Variants in ETV6 observed in about 807,000 individuals in gnomAD.
ETV6 encodes ETS variant transcription factor 6, also known as transcription factor ETV6.
ETV6 carries 16 observed loss-of-function variants against 51.1 expected under a neutral mutation model. The observed-to-expected ratio is 0.31, with a 90% CI of 0.21 to 0.48. ETV6 has a LOEUF of 0.48. Among genes scored for constraint, ETV6 ranks in the 20% least tolerant of loss-of-function variants. ETV6 has a pLI of 0.99. For missense variants in ETV6, 458 were observed against 594.8 expected (o/e 0.77, Z 2.39); for synonymous variants, 240 against 224.1 (o/e 1.07, Z -0.64).
intron 2 of ETV6, among the ~76,000 whole-genome samples, chr12:11,806,641 A>G (rs1945832958): frequency 6.6e-6 from 1 of 152,248 alleles, no homozygotes; most frequent in South Asian, 2.1e-4. Context: ...ATAATATACA[A>G]TAAAATATTA....
At chr12:11,785,264 G>A (rs1945469732) in intron 2 of ETV6, among the ~76,000 whole-genome samples, 1 of 152,060 alleles carries the variant, frequency 6.6e-6, no homozygotes, top group African/African-American at 2.4e-5. Context: ...TCGCTGGGAT[G>A]CTCTTCTACC....
intron 5 of ETV6, among the ~76,000 whole-genome samples, chr12:11,879,437 G>A (rs1947052272): frequency 1.3e-5 from 2 of 152,214 alleles, no homozygotes; most frequent in Admixed American, 1.3e-4. Context: ...TGTGTGAATT[G>A]CCCATCTTTT....
chr12:11,875,152 C>A (rs1421634730), intron 5 of ETV6, among the ~76,000 whole-genome samples: 1 of 152,000 alleles, frequency 6.6e-6, no homozygotes, highest in African/African-American at 2.4e-5. Context: ...AGTTTAAATA[C>A]AAATCACAAA....
intron 1 of ETV6, among the ~76,000 whole-genome samples, chr12:11,690,210 T>C (rs1038767716): frequency 2.0e-5 from 3 of 151,268 alleles, no homozygotes; most frequent in Non-Finnish European, 2.9e-5. Context: ...ATAATTTAGA[T>C]AGAGGATGGC....
At chr12:11,834,785 T>G (rs899745844) in intron 2 of ETV6, among the ~76,000 whole-genome samples, 10 of 152,130 alleles carry the variant, frequency 6.6e-5, no homozygotes, top group African/African-American at 2.4e-4. Flanking sequence ...GGCTGTAAGG[T>G]ATTCTTTGGT....
intron 2 of ETV6, among the ~76,000 whole-genome samples, chr12:11,787,679 T>C (rs1221184352): frequency 6.6e-6 from 1 of 152,160 alleles, no homozygotes; most frequent in Non-Finnish European, 1.5e-5. Context: ...GTAGCCAAGT[T>C]AGGAGTAGGC....
chr12:11,659,248 T>A (rs1485210543), intron 1 of ETV6, among the ~76,000 whole-genome samples: 1 of 140,600 alleles, frequency 7.1e-6, no homozygotes, highest in African/African-American at 3.3e-5. Context: ...AGCAGTTGTA[T>A]TCTTCTTGCT....
In ETV6 at chr12:11,757,422, G is replaced by T. The variant is rs1164871839; in HGVS notation, c.163+4843G>T. Among the ~76,000 whole-genome samples, 4 of 69,868 alleles carry T rather than the reference G, an allele frequency of 5.7e-5. No homozygotes were observed. The South Asian group carries it at 1.8e-3, about 32-fold the overall frequency. 45.8% of individuals were successfully genotyped at this position (69,868 alleles called of 152,430 possible). A position where few individuals can be genotyped will look rare whatever the true frequency, so the allele number is the denominator to read the frequency against. ...TTTTATATGCTTTCACATTATGTTTGTTCCCAAAAAAAAAGAGGCAAAATT... is the reference window on the plus strand; with the variant it reads ...TTTTATATGCTTTCACATTATGTTTTTTCCCAAAAAAAAAGAGGCAAAATT... On this transcript the variant is annotated intron_variant, in intron 2 of 7. Transcript: ENST00000396373.
intron 1 of ETV6, among the ~76,000 whole-genome samples, chr12:11,714,649 GAAAA>G (rs10709538): frequency 1.0e-3 from 90 of 87,052 alleles, no homozygotes; most frequent in African/African-American, 4.2e-3. Flanking sequence ...ACCTTGAGGT[GAAAA>G]AAAAAAAAAA....
intron 1 of ETV6, among the ~76,000 whole-genome samples, chr12:11,673,297 G>A (rs985266156): frequency 1.3e-5 from 2 of 152,328 alleles, no homozygotes; most frequent in Non-Finnish European, 2.9e-5. Context: ...TGCTGGGAAA[G>A]AATTTGGAGA....
chr12:11,837,988 ACT>A (rs1295131470), intron 2 of ETV6, among the ~76,000 whole-genome samples: 1 of 152,240 alleles, frequency 6.6e-6, no homozygotes, highest in Non-Finnish European at 1.5e-5. Context: ...AAAATAGCCA[ACT>A]CTATATTAAT....
At chr12:11,804,556 C>G (rs1332453477) in intron 2 of ETV6, among the ~76,000 whole-genome samples, 1 of 152,210 alleles carries the variant, frequency 6.6e-6, no homozygotes, top group Non-Finnish European at 1.5e-5. Flanking sequence ...AGCTGTTTCT[C>G]CAGATACTCT....
intron 1 of ETV6, among the ~76,000 whole-genome samples, chr12:11,702,274 G>T (rs1306961922): frequency 2.0e-5 from 3 of 152,166 alleles, no homozygotes; most frequent in African/African-American, 7.2e-5. Context: ...TTGTTGGACT[G>T]CTCCCACCTA....
chr12:11,763,473 G>T (rs754986741), intron 2 of ETV6, among the ~76,000 whole-genome samples: 7 of 152,224 alleles, frequency 4.6e-5, no homozygotes, highest in Non-Finnish European at 1.0e-4. Flanking sequence ...ACCAAGTGCT[G>T]AGAGGAGCTT....
intron 1 of ETV6, among the ~76,000 whole-genome samples, chr12:11,735,421 A>C (rs1389407078): frequency 6.6e-6 from 1 of 152,170 alleles, no homozygotes; most frequent in African/African-American, 2.4e-5. Flanking sequence ...GTGAGGCTGA[A>C]GAGCAAACAT....
chr12:11,690,095 T>C (rs1591610985), intron 1 of ETV6, among the ~76,000 whole-genome samples: 2 of 151,914 alleles, frequency 1.3e-5, no homozygotes, highest in South Asian at 4.2e-4. Context: ...GTGCATCTGG[T>C]GGTGTCCAGA....
At position 11,872,219 on chromosome 12, in the gene ETV6, C is replaced by T. The variant is rs534188501; in HGVS notation, c.1009+2250C>T. Among the ~76,000 whole-genome samples the T allele has an allele frequency of 2.0e-4, 31 of 152,302 alleles. 1 individual carries two copies. In the South Asian group the frequency reaches 6.4e-3, roughly 32 times the overall value. On this transcript the variant is annotated intron_variant, in intron 5 of 7. Coordinates refer to ENST00000396373, the MANE Select transcript of ETV6 (RefSeq NM_001987.5). ...AACTGAGCCCCAGAGAGGCAAAGGC[C>T]TTTGCCAAGGTCAGATAGGGGCCCC...
At chr12:11,723,812 T>C (rs1196543604) in intron 1 of ETV6, among the ~76,000 whole-genome samples, 1 of 152,136 alleles carries the variant, frequency 6.6e-6, no homozygotes, top group Non-Finnish European at 1.5e-5. Context: ...GAGAAAGCTT[T>C]TATTTCACTA....
intron 5 of ETV6, among the ~76,000 whole-genome samples, chr12:11,881,981 A>G (rs543200165): frequency 1.2e-4 from 19 of 152,310 alleles, no homozygotes; most frequent in African/African-American, 4.6e-4. Context: ...GAATGCAGCC[A>G]TGGCAAGACG....
Sources: allele counts gnomAD v4.1 joint callset (sites outside exome capture counted in the v4.1 genomes callset), GRCh38; gene constraint gnomAD v4.1.1; transcripts MANE v1.5; gene names NCBI Gene and HGNC (gene_info 2026-07-23, HGNC 2026-07-21).